The following PLCL1 variants were observed in gnomAD, a reference collection of about 807,000 sequenced individuals.
PLCL1 encodes the protein inactive phospholipase C-like protein 1.
PLCL1 carries 41 observed loss-of-function variants against 84.4 expected under a neutral mutation model. The observed-to-expected ratio is 0.49, with a 90% CI of 0.38 to 0.63. The LOEUF is 0.63. Ranked by LOEUF, PLCL1 falls within the 30% of genes least tolerant of loss-of-function variation. The probability of loss-of-function intolerance (pLI) is 0.00; values close to 1 mark genes in which losing one functional copy is unlikely to be tolerated. For missense variants in PLCL1, 1,206 were observed against 1,367.8 expected (o/e 0.88, Z 1.87); for synonymous variants, 490 against 488.3 (o/e 1.00, Z -0.05).
chr2:198,143,709 T>C (rs1287945342), intron 5 of PLCL1, among the ~76,000 whole-genome samples: 2 of 152,132 alleles, frequency 1.3e-5, no homozygotes, highest in Non-Finnish European at 2.9e-5. Flanking sequence ...CTGATTCTGG[T>C]GCCTTGATTC....
At chr2:198,095,235 T>G (rs1479852225) in intron 3 of PLCL1, among the ~76,000 whole-genome samples, 2 of 152,194 alleles carry the variant, frequency 1.3e-5, no homozygotes, top group Non-Finnish European at 2.9e-5. Context: ...TTCTTCTTTT[T>G]TGGCTCAGGT....
At chr2:198,041,072 A>G (rs1215450123) in intron 1 of PLCL1, among the ~76,000 whole-genome samples, 1 of 152,210 alleles carries the variant, frequency 6.6e-6, no homozygotes, top group Non-Finnish European at 1.5e-5. Flanking sequence ...TGTGGCTGCC[A>G]GCAGTGTTAG....
At chr2:198,023,521 G>A (rs761082270) in intron 1 of PLCL1, among the ~76,000 whole-genome samples, 9 of 152,020 alleles carry the variant, frequency 5.9e-5, no homozygotes, top group Non-Finnish European at 1.2e-4. Flanking sequence ...GCTAATATCC[G>A]GAATCTACAA....
At chr2:198,087,994 C>G (rs1400067904) in intron 2 of PLCL1, among the ~76,000 whole-genome samples, 1 of 152,120 alleles carries the variant, frequency 6.6e-6, no homozygotes, top group Non-Finnish European at 1.5e-5. Flanking sequence ...TTCTATGTAA[C>G]TTTTTCTGAC....
chr2:197,895,448 T>C (rs1415480245), intron 1 of PLCL1, among the ~76,000 whole-genome samples: 1 of 151,996 alleles, frequency 6.6e-6, no homozygotes, highest in African/African-American at 2.4e-5. Flanking sequence ...TTTCCATATG[T>C]AGAAATTCAT....
chr2:198,012,055 A>G (rs1225870315), intron 1 of PLCL1, among the ~76,000 whole-genome samples: 1 of 143,486 alleles, frequency 7.0e-6, no homozygotes, highest in Non-Finnish European at 1.6e-5. Flanking sequence ...ATTGTATGAG[A>G]CAGAACACTC....
At chr2:197,941,301 T>A (rs1689153885) in intron 1 of PLCL1, among the ~76,000 whole-genome samples, 1 of 152,130 alleles carries the variant, frequency 6.6e-6, no homozygotes, top group East Asian at 1.9e-4. Flanking sequence ...TACTATTTTT[T>A]TTTTTTTTGA....
At chr2:198,026,313 C>T (rs1011265474) in intron 1 of PLCL1, among the ~76,000 whole-genome samples, 2 of 152,124 alleles carry the variant, frequency 1.3e-5, no homozygotes, top group African/African-American at 2.4e-5. Flanking sequence ...TGCTGGTTTT[C>T]ACAGACATTT....
intron 1 of PLCL1, among the ~76,000 whole-genome samples, chr2:197,962,777 C>T (rs570025164): frequency 6.6e-6 from 1 of 152,100 alleles, no homozygotes. Flanking sequence ...TATCTTTCTA[C>T]TATCTCCATG....
chr2:197,898,016 A>G (rs1030888495), intron 1 of PLCL1, among the ~76,000 whole-genome samples: 2 of 152,234 alleles, frequency 1.3e-5, no homozygotes, highest in Admixed American at 1.3e-4. Flanking sequence ...TAAGTTCCAC[A>G]GGCTCACCAT....
At chr2:198,128,720 T>C (rs1333340235) in intron 5 of PLCL1, among the ~76,000 whole-genome samples, 1 of 152,176 alleles carries the variant, frequency 6.6e-6, no homozygotes, top group Non-Finnish European at 1.5e-5. Flanking sequence ...TTGTGGCTAC[T>C]GTTAGTAGTC....
At chr2:197,885,707 T>G (rs1324911879) in intron 1 of PLCL1, among the ~76,000 whole-genome samples, 2 of 152,234 alleles carry the variant, frequency 1.3e-5, no homozygotes, top group African/African-American at 2.4e-5. Flanking sequence ...CTTTCTAACT[T>G]CATGTCCAAG....
intron 5 of PLCL1, among the ~76,000 whole-genome samples, chr2:198,133,445 G>A (rs1413084104): frequency 6.7e-6 from 1 of 150,308 alleles, no homozygotes; most frequent in Non-Finnish European, 1.5e-5. Flanking sequence ...GTTAGTGGGT[G>A]CAGCGCACCA....
At chr2:197,827,432 ATTC>A (rs1690954994) in intron 1 of PLCL1, among the ~76,000 whole-genome samples, 1 of 152,078 alleles carries the variant, frequency 6.6e-6, no homozygotes, top group Non-Finnish European at 1.5e-5. Context: ...TATGTTGGCT[ATTC>A]TTATTTTTCT....
intron 3 of PLCL1, among the ~76,000 whole-genome samples, chr2:198,089,389 AT>A (rs1267459053): frequency 2.0e-5 from 3 of 152,232 alleles, no homozygotes; most frequent in Non-Finnish European, 4.4e-5. Flanking sequence ...TTATATACCT[AT>A]GGGAAGTAAA....
At chr2:197,976,044 A>G (rs201442086) in intron 1 of PLCL1, among the ~76,000 whole-genome samples, 1 of 151,542 alleles carries the variant, frequency 6.6e-6, no homozygotes, top group African/African-American at 2.4e-5. Flanking sequence ...ATTTCCCTAC[A>G]CTCTTGCCAA....
chr2:197,985,196 C>G lies in PLCL1; in HGVS notation c.241-98562C>G, dbSNP rs115879120. ...TAGCTGTGTAACTGTTGCCCACTAG[C>G]TGTATAACTCTGAGCCAGTTGGTTA... On this transcript the variant is annotated intron_variant, in intron 1 of 5. Coordinates refer to ENST00000428675, the MANE Select transcript of PLCL1 (RefSeq NM_006226.4). 8.6e-3 allele frequency among the ~76,000 whole-genome samples: 1,308 copies of G among 152,288 alleles called. 10 individuals are homozygous for G. The highest frequency in any genetic ancestry group is 0.011 in the Non-Finnish European group (762 of 68,028).
At chr2:197,859,671 T>G (rs1687392684) in intron 1 of PLCL1, among the ~76,000 whole-genome samples, 1 of 152,132 alleles carries the variant, frequency 6.6e-6, no homozygotes, top group East Asian at 1.9e-4. Context: ...ACCTTTCCTA[T>G]GATTAGATAC....
chr2:197,808,517 A>G (rs1389392732), intron 1 of PLCL1, among the ~76,000 whole-genome samples: 2 of 152,192 alleles, frequency 1.3e-5, no homozygotes, highest in African/African-American at 2.4e-5. Flanking sequence ...TGAGTTTCCA[A>G]AAAAAGTCTA....
Sources: allele counts gnomAD v4.1 joint callset (sites outside exome capture counted in the v4.1 genomes callset), GRCh38; gene constraint gnomAD v4.1.1; transcripts MANE v1.5; gene names NCBI Gene and HGNC (gene_info 2026-07-23, HGNC 2026-07-21).